The following SH3GL2 variants were observed in gnomAD, a reference collection of about 807,000 sequenced individuals.
The protein encoded by SH3GL2 is SH3 domain containing GRB2 like 2, endophilin A1, also known as endophilin-A1.
In SH3GL2, 24 loss-of-function variants were observed where a neutral mutation model predicts 46.0. The ratio of observed to expected loss-of-function variants is 0.52; its 90% confidence interval spans 0.38 to 0.73. SH3GL2 has a LOEUF of 0.73. Ranked by LOEUF, SH3GL2 falls within the 30% of genes least tolerant of loss-of-function variation. SH3GL2 has a pLI of 0.00. For missense variants in SH3GL2, 413 were observed against 424.2 expected, an observed-to-expected ratio of 0.97 and a Z score of 0.23; for synonymous variants, 196 against 147.1, an observed-to-expected ratio of 1.33 and a Z score of -2.40.
At chr9:17,732,426 C>G (rs893282692) in intron 1 of SH3GL2, among the ~76,000 whole-genome samples, 1 of 152,082 alleles carries the variant, frequency 6.6e-6, no homozygotes, top group African/African-American at 2.4e-5. Flanking sequence ...GTTCCACTGC[C>G]TCCTTGTCTG....
At chr9:17,709,433 C>A (rs1440224067) in intron 1 of SH3GL2, among the ~76,000 whole-genome samples, 1 of 151,786 alleles carries the variant, frequency 6.6e-6, no homozygotes, top group East Asian at 1.9e-4. Flanking sequence ...TGTGTGATAC[C>A]CCTCAGCAGA....
intron 1 of SH3GL2, among the ~76,000 whole-genome samples, chr9:17,618,774 T>C (rs1481818297): frequency 6.9e-6 from 1 of 144,790 alleles, no homozygotes; most frequent in African/African-American, 2.6e-5. Flanking sequence ...AACTAAATTT[T>C]TGCCAAATTT....
chr9:17,743,600 A>ACACACACACACAC (rs1554645782), intron 1 of SH3GL2, among the ~76,000 whole-genome samples: 1 of 146,162 alleles, frequency 6.8e-6, no homozygotes, highest in African/African-American at 2.5e-5. Flanking sequence ...ACACACACAC[A>ACACACACACACAC]CCCCAAATAG....
At chr9:17,673,283 G>A (rs1242244727) in intron 1 of SH3GL2, among the ~76,000 whole-genome samples, 2 of 151,674 alleles carry the variant, frequency 1.3e-5, no homozygotes, top group South Asian at 2.1e-4. Flanking sequence ...CAAGTAGCTG[G>A]GACTACAGGC....
At chr9:17,597,858 T>A (rs1180160185) in intron 1 of SH3GL2, among the ~76,000 whole-genome samples, 1 of 152,176 alleles carries the variant, frequency 6.6e-6, no homozygotes, top group Non-Finnish European at 1.5e-5. Context: ...GTTTTTCCCC[T>A]CTTTATGCTC....
At chr9:17,771,949 A>G (rs1183324638) in intron 3 of SH3GL2, among the ~76,000 whole-genome samples, 2 of 152,184 alleles carry the variant, frequency 1.3e-5, no homozygotes, top group African/African-American at 4.8e-5. Flanking sequence ...ATAGTTAACT[A>G]CAAAAGAAAC....
intron 1 of SH3GL2, among the ~76,000 whole-genome samples, chr9:17,649,056 T>G (rs1344210389): frequency 6.6e-6 from 1 of 152,222 alleles, no homozygotes; most frequent in Non-Finnish European, 1.5e-5. Context: ...CTTTTTTTCC[T>G]TTTTCTCTTA....
intron 5 of SH3GL2, among the ~76,000 whole-genome samples, chr9:17,788,828 A>G (rs1366843104): frequency 6.6e-6 from 1 of 152,160 alleles, no homozygotes; most frequent in Non-Finnish European, 1.5e-5. Context: ...GGCAAGTGTT[A>G]AGATGTAGAT....
At chr9:17,737,782 G>A (rs1446042566) in intron 1 of SH3GL2, among the ~76,000 whole-genome samples, 1 of 152,082 alleles carries the variant, frequency 6.6e-6, no homozygotes, top group Admixed American at 6.6e-5. Flanking sequence ...CTCTGGAGAT[G>A]CATGTTCTCC....
At chr9:17,629,213 T>C (rs1819364783) in intron 1 of SH3GL2, among the ~76,000 whole-genome samples, 2 of 152,182 alleles carry the variant, frequency 1.3e-5, no homozygotes, top group Admixed American at 6.5e-5. Flanking sequence ...GGCCCTCATA[T>C]TGTGTAGTCA....
intron 3 of SH3GL2, among the ~76,000 whole-genome samples, chr9:17,775,088 T>C (rs1015387281): frequency 1.3e-5 from 2 of 152,166 alleles, no homozygotes; most frequent in Non-Finnish European, 2.9e-5. Flanking sequence ...CATAGTACTC[T>C]TAATAATCTT....
Position 17,787,429 on chromosome 9 carries a change from C to G in SH3GL2, c.381C>G (p.Val127=), listed in dbSNP as rs776648114. 1.6e-5 allele frequency: 25 copies of G among 1,612,602 alleles called. 1 individual carries two copies. The South Asian group carries it at 2.7e-4, about 18-fold the overall frequency. Residue 127 remains valine, a synonymous_variant, in exon 5 of 9, where the codon GTC becomes GTG. Coordinates refer to ENST00000380607, the MANE Select transcript of SH3GL2 (RefSeq NM_003026.5). ...VGEAMRELSE[V]KDSLDIEVKQ... ...AGGCCATGCGGGAACTGTCGGAGGT[C>G]AAAGACTCTTTGGACATAGAAGTGA...
intron 1 of SH3GL2, among the ~76,000 whole-genome samples, chr9:17,703,772 C>T (rs986776049): frequency 6.6e-6 from 1 of 151,978 alleles, no homozygotes; most frequent in Admixed American, 6.6e-5. Context: ...GTTAAAAACC[C>T]TTGACAAACT....
intron 1 of SH3GL2, among the ~76,000 whole-genome samples, chr9:17,620,657 T>C (rs1335442222): frequency 6.6e-6 from 1 of 152,046 alleles, no homozygotes; most frequent in East Asian, 1.9e-4. Flanking sequence ...AGCAATGGGA[T>C]TGGAGAGAAA....
intron 1 of SH3GL2, among the ~76,000 whole-genome samples, chr9:17,643,964 G>T (rs1819745432): frequency 6.6e-6 from 1 of 152,054 alleles, no homozygotes; most frequent in Admixed American, 6.6e-5. Flanking sequence ...TCTGGTCCTG[G>T]GCTTTTCTTT....
At chr9:17,610,003 C>T (rs1432699197) in intron 1 of SH3GL2, among the ~76,000 whole-genome samples, 1 of 152,228 alleles carries the variant, frequency 6.6e-6, no homozygotes, top group Non-Finnish European at 1.5e-5. Context: ...AAGTTAGGGG[C>T]AGACTCCTTG....
At chr9:17,652,176 A>G (rs900573027) in intron 1 of SH3GL2, among the ~76,000 whole-genome samples, 2 of 152,152 alleles carry the variant, frequency 1.3e-5, no homozygotes, top group South Asian at 2.1e-4. Flanking sequence ...ATTATTTTCT[A>G]TTGAAGGCAT....
intron 1 of SH3GL2, among the ~76,000 whole-genome samples, chr9:17,696,250 A>G (rs1458559871): frequency 6.6e-6 from 1 of 152,200 alleles, no homozygotes; most frequent in East Asian, 1.9e-4. Flanking sequence ...TATTTTAAAT[A>G]CAGATAACTA....
chr9:17,769,115 C>G (rs752846883), intron 3 of SH3GL2, among the ~76,000 whole-genome samples: 3 of 152,190 alleles, frequency 2.0e-5, no homozygotes, highest in Admixed American at 6.5e-5. Context: ...GTGCAGCTTT[C>G]CTGACCATCT....
Sources: allele counts gnomAD v4.1 joint callset (sites outside exome capture counted in the v4.1 genomes callset), GRCh38; gene constraint gnomAD v4.1.1; transcripts MANE v1.5; gene names NCBI Gene and HGNC (gene_info 2026-07-23, HGNC 2026-07-21).